The following ZNF442 variants were observed in gnomAD, a reference collection of about 807,000 sequenced individuals.
The protein encoded by ZNF442 is zinc finger protein 442.
In ZNF442, 45 loss-of-function variants were observed where a neutral mutation model predicts 57.0. That is an observed-to-expected ratio of 0.79 (90% confidence interval 0.62 to 1.01). ZNF442 has a LOEUF of 1.01. Among genes scored for constraint, ZNF442 ranks in the 50% least tolerant of loss-of-function variants. ZNF442 has a pLI of 0.00. For missense variants in ZNF442, 690 were observed against 756.5 expected, an observed-to-expected ratio of 0.91 and a Z score of 1.03; for synonymous variants, 213 against 241.8, an observed-to-expected ratio of 0.88 and a Z score of 1.10.
upstream of ZNF442, among the ~76,000 whole-genome samples, chr19:12,368,570 C>A (rs1347976053): frequency 6.6e-6 from 1 of 152,132 alleles, no homozygotes; most frequent in Non-Finnish European, 1.5e-5. Flanking sequence ...ACGGAGAAGT[C>A]CCTTCACCAA....
At chr19:12,361,622 A>G (rs1021448557) in intron 3 of ZNF442, among the ~76,000 whole-genome samples, 67 of 136,772 alleles carry the variant, frequency 4.9e-4, no homozygotes, top group African/African-American at 2.4e-3. Flanking sequence ...GACTGGGGGA[A>G]AAAAAAAGTA....
chr19:12,363,388 C>T (rs1047021070), intron 3 of ZNF442, among the ~76,000 whole-genome samples, 166 bp downstream of exon 3: 2 of 152,036 alleles, frequency 1.3e-5, no homozygotes, highest in Non-Finnish European at 2.9e-5. Flanking sequence ...TCAGGTCATC[C>T]CATCTCCTGG....
At position 12,349,090 on chromosome 19, in the gene ZNF442, A is replaced by T. The variant is rs1969171395; in HGVS notation, c.*611T>A. On this transcript the variant is annotated 3_prime_UTR_variant, in exon 6 of 6. Transcript: ENST00000242804. ...GTGGCATGCATCTGTAATCCCAGCT[A>T]CTCAGGAGGCTAAGACAGGAGAATT... 1 of 150,514 alleles carries T rather than the reference A, an allele frequency of 6.6e-6. No homozygotes were observed. The highest frequency in any genetic ancestry group is 6.6e-5 in the Admixed American group (1 of 15,048). The allele number at this position is 150,514 out of a possible 1,614,324, so 9.3% of individuals were successfully genotyped here. A position where few individuals can be genotyped will look rare whatever the true frequency, so the allele number is the denominator to read the frequency against.
rs1276345500 is a variant in ZNF442, at chr19:12,365,059, A to C, written c.-298T>G. 1 of 152,616 alleles carries C rather than the reference A, an allele frequency of 6.6e-6. No homozygotes were observed. The highest frequency in any genetic ancestry group is 1.5e-5 in the Non-Finnish European group (1 of 68,530). 9.5% of individuals were successfully genotyped at this position (152,616 alleles called of 1,614,324 possible). On this transcript the variant is annotated 5_prime_UTR_variant, in exon 2 of 6. Transcript: ENST00000242804. ...GGATTCGCCTGTCACTTCCCCACCA[A>C]CCAGCGACCCCACACTTCAGCCGCC...
Position 12,347,315 on chromosome 19 carries a change from T to G in ZNF442, c.*2386A>C, listed in dbSNP as rs1301283525. 1 of 152,174 alleles carries G rather than the reference T, an allele frequency of 6.6e-6. No individual in the cohort carries two copies. The allele number at this position is 152,174 out of a possible 1,614,324, so 9.4% of individuals were successfully genotyped here. A position where few individuals can be genotyped will look rare whatever the true frequency, so the allele number is the denominator to read the frequency against. The stretch of plus-strand genomic sequence containing the variant: ...ACCACTCTCCCCATATTGAAATACC[T>G]TCTTCTGGAGGCTTCCAGGAGAAGA... On this transcript the variant is annotated 3_prime_UTR_variant, in exon 6 of 6. Transcript: ENST00000242804.
chr19:12,360,603 GTC>G (rs1267183834), intron 3 of ZNF442, among the ~76,000 whole-genome samples: 1 of 152,172 alleles, frequency 6.6e-6, no homozygotes, highest in East Asian at 1.9e-4. Context: ...TATAGATGAA[GTC>G]TCACTCTGTC....
rs1426042115 is a variant in ZNF442, at chr19:12,346,901, CAGAG to C, written c.*2796_*2799del. ...CTCTATGAATAGTCAAATTCACAGA[CAGAG>C]AAAGTAGAATGGAGATTTTCAGTAC... On this transcript the variant is annotated 3_prime_UTR_variant, in exon 6 of 6. Transcript: ENST00000242804. 6.6e-6 allele frequency: 1 copy of C among 152,182 alleles called. No homozygotes were observed. The highest frequency in any genetic ancestry group is 2.4e-5 in the African/African-American group (1 of 41,436). The allele number at this position is 152,182 out of a possible 1,614,324, so 9.4% of individuals were successfully genotyped here.
the ZNF442 span, among the ~76,000 whole-genome samples, chr19:12,372,710 C>T: frequency 1.3e-5 from 2 of 152,138 alleles, no homozygotes; most frequent in African/African-American, 2.4e-5. Flanking sequence ...TAGAGTTACA[C>T]CTTTTATGAC....
In ZNF442 at chr19:12,350,806, G is replaced by A; in HGVS notation, c.779C>T (p.Thr260Ile). ...SSYLRHERTH[T>I]GEKPYECKHC... ...CTTGCATTCATATGGTTTCTCCCCA[G>A]TGTGTGTTCTTTCATGTCTTAGATA... Residue 260 changes from threonine to isoleucine, a missense_variant, in exon 6 of 6, where the codon ACT (threonine) becomes ATT (isoleucine). Coordinates refer to ENST00000242804, the MANE Select transcript of ZNF442 (RefSeq NM_030824.3). The A allele has an allele frequency of 6.2e-7, 1 of 1,614,030 alleles. No homozygotes were observed. The highest frequency in any genetic ancestry group is 8.5e-7 in the Non-Finnish European group (1 of 1,180,020).
At chr19:12,359,869 T>A (rs2144835014) in intron 3 of ZNF442, among the ~76,000 whole-genome samples, 1 of 152,140 alleles carries the variant, frequency 6.6e-6, no homozygotes, top group Admixed American at 6.5e-5. Context: ...TCTCAGCTAC[T>A]CGGGAGGCTG....
chr19:12,349,597 C>T lies in ZNF442; in HGVS notation c.*104G>A. 1 of 1,219,164 alleles carries T rather than the reference C, an allele frequency of 8.2e-7. No individual in the cohort carries two copies. Among genetic ancestry groups the T allele is most frequent in the Non-Finnish European group, 1.1e-6 (1 of 886,164 alleles). 75.5% of individuals were successfully genotyped at this position (1,219,164 alleles called of 1,614,324 possible). ...AGGGGATAACCATATTCAAAAGAAACATCTTAAGGCTTTACCATGTGTTTG... is the reference window on the plus strand; with the variant it reads ...AGGGGATAACCATATTCAAAAGAAATATCTTAAGGCTTTACCATGTGTTTG... On this transcript the variant is annotated 3_prime_UTR_variant, in exon 6 of 6. Transcript: ENST00000242804.
At chr19:12,351,761 C>T in intron 5 of ZNF442, 1 of 413,624 alleles carries the variant, frequency 2.4e-6, no homozygotes, top group Admixed American at 4.1e-5. Flanking sequence ...CCTTGGCCTC[C>T]CAAAGTGCTG....
At chr19:12,359,703 G>C (rs779585483) in intron 3 of ZNF442, among the ~76,000 whole-genome samples, 1 of 152,176 alleles carries the variant, frequency 6.6e-6, no homozygotes, top group African/African-American at 2.4e-5. Flanking sequence ...TTCTCGGCCC[G>C]GCGTGGTTGC....
intron 3 of ZNF442, among the ~76,000 whole-genome samples, chr19:12,360,157 G>A (rs1212260292): frequency 6.6e-6 from 1 of 151,854 alleles, no homozygotes; most frequent in Non-Finnish European, 1.5e-5. Context: ...GTGAGCCACC[G>A]CGCCCAGCTG....
the ZNF442 span, among the ~76,000 whole-genome samples, chr19:12,371,460 A>G: frequency 6.6e-6 from 1 of 152,214 alleles, no homozygotes; most frequent in Non-Finnish European, 1.5e-5. Context: ...AACAGGGTGC[A>G]GTGGGTCAAA....
chr19:12,369,479 A>G (rs541083424), upstream of ZNF442, among the ~76,000 whole-genome samples: 94 of 152,222 alleles, frequency 6.2e-4, no homozygotes, highest in South Asian at 0.018. Flanking sequence ...TTAGCCAGGC[A>G]TGGTGGTGCA....
At chr19:12,360,559 A>G (rs918010635) in intron 3 of ZNF442, among the ~76,000 whole-genome samples, 4 of 152,108 alleles carry the variant, frequency 2.6e-5, no homozygotes, top group African/African-American at 9.7e-5. Flanking sequence ...GCATTTATTT[A>G]TTTATTAGTT....
At position 12,346,545 on chromosome 19, in the gene ZNF442, G is replaced by T. The variant is rs1265800329; in HGVS notation, c.*3156C>A. 1 of 152,140 alleles carries T rather than the reference G, an allele frequency of 6.6e-6. No individual in the cohort carries two copies. Among genetic ancestry groups the T allele is most frequent in the Non-Finnish European group, 1.5e-5 (1 of 68,038 alleles). 9.4% of individuals were successfully genotyped at this position (152,140 alleles called of 1,614,324 possible). On this transcript the variant is annotated 3_prime_UTR_variant, in exon 6 of 6. Transcript: ENST00000242804. The stretch of plus-strand genomic sequence containing the variant: ...AGCAATATACCTGTTCCTGAAAAAG[G>T]TTTACACCAATTATTCTGTGAACCA...
At chr19:12,369,061 T>C (rs747773405), upstream of ZNF442, among the ~76,000 whole-genome samples, 7 of 152,156 alleles carry the variant, frequency 4.6e-5, no homozygotes, top group Non-Finnish European at 8.8e-5. Flanking sequence ...ACTGGTAAAC[T>C]GAGTTCTTTC....
Sources: gnomAD v4.1 joint callset for allele counts (sites outside exome capture counted in the v4.1 genomes callset) on GRCh38, gnomAD v4.1.1 for gene constraint, MANE v1.5 for transcripts, NCBI Gene and HGNC (gene_info 2026-07-23, HGNC 2026-07-21) for gene names.